Variants in HSF2 observed in about 807,000 individuals in gnomAD.
HSF2 encodes the protein heat shock transcription factor 2, also known as heat shock factor protein 2.
HSF2 carries 21 observed loss-of-function variants against 65.0 expected under a neutral mutation model. That is an observed-to-expected ratio of 0.32 (90% confidence interval 0.23 to 0.47). The LOEUF (loss-of-function observed/expected upper bound fraction) is 0.47. Ranked by LOEUF, HSF2 falls within the 20% of genes least tolerant of loss-of-function variation. HSF2 has a pLI of 1.00. For missense variants in HSF2, 499 were observed against 628.1 expected (o/e 0.79, Z 2.20); for synonymous variants, 225 against 219.1 (o/e 1.03, Z -0.24).
intron 11 of HSF2, among the ~76,000 whole-genome samples, 195 bp downstream of exon 11, chr6:122,428,151 C>T (rs1171214931): frequency 6.6e-6 from 1 of 151,986 alleles, no homozygotes; most frequent in African/African-American, 2.4e-5. Context: ...CCACTTTTGG[C>T]ACTTGTGGGA....
rs144007130 is a variant in HSF2 at position 122,413,558 on chromosome 6, C to T, written c.364C>T (p.Arg122Cys). The T allele has an allele frequency of 1.1e-5, 18 of 1,584,774 alleles. No homozygotes were observed. Among genetic ancestry groups the T allele is most frequent in the Non-Finnish European group, 1.3e-5 (15 of 1,155,468 alleles). The change falls in exon 4 of 13, where the codon CGT (arginine) becomes TGT (cysteine). Residue 122 changes from arginine (R) to cysteine (C), a missense_variant. By Grantham distance (180) the Arg-to-Cys change is radical (BLOSUM62 -3). This residue lies in a region of HSF2 where 150 missense variants were observed against 234.6 expected (regional missense o/e 0.64). Coordinates refer to ENST00000368455, the MANE Select transcript of HSF2 (RefSeq NM_004506.4). ...SSSKPEENKI[R>C]QEDLTKIISS... is the part of the protein sequence containing the mutation. The stretch of plus-strand genomic sequence containing the variant: ...TTCAAAACCAGAAGAAAATAAAATT[C>T]GTCAGGAAGATTTAACAAAAATTAT...
At position 122,399,759 on chromosome 6, in the gene HSF2, C is replaced by T; in HGVS notation, c.22C>T (p.Pro8Ser). Residue 8 changes from proline to serine, a missense_variant, in exon 1 of 13, where the codon CCG (proline) becomes TCG (serine). Physicochemically the swap from Pro to Ser is moderately conservative, Grantham distance 74. This residue lies in a region of HSF2 where 150 missense variants were observed against 234.6 expected (regional missense o/e 0.64). Coordinates refer to ENST00000368455, the MANE Select transcript of HSF2 (RefSeq NM_004506.4). Reference protein sequence around the residue: MKQSSNVPAFLSKLWTLV... With the variant: MKQSSNVSAFLSKLWTLV... ...AACAATGAAGCAGAGTTCGAACGTG[C>T]CGGCTTTCCTCAGCAAGCTGTGGAC... 1.2e-6 allele frequency: 2 copies of T among 1,612,492 alleles called. No homozygotes were observed. Among genetic ancestry groups the T allele is most frequent in the South Asian group, 1.1e-5 (1 of 90,842 alleles).
At chr6:122,413,950 TATG>T (rs1284675580) in intron 4 of HSF2, among the ~76,000 whole-genome samples, 2 of 152,132 alleles carry the variant, frequency 1.3e-5, no homozygotes, top group Non-Finnish European at 2.9e-5. Context: ...ATGTAGGAAA[TATG>T]ATTCTATTTA....
chr6:122,400,557 A>G (rs1282090044), intron 1 of HSF2, among the ~76,000 whole-genome samples: 1 of 152,166 alleles, frequency 6.6e-6, no homozygotes, highest in African/African-American at 2.4e-5. Context: ...GGGCATATCG[A>G]TGTGTTGATT....
chr6:122,419,020 C>T (rs141985895), intron 5 of HSF2, 148 bp from the exon 6 acceptor site: 93 of 544,378 alleles, frequency 1.7e-4, no homozygotes, highest in African/African-American at 9.1e-4. Flanking sequence ...GGTGGTTCTA[C>T]GGTGCGTCTG....
chr6:122,408,561 T>A (rs1773918083), intron 1 of HSF2, among the ~76,000 whole-genome samples: 1 of 152,138 alleles, frequency 6.6e-6, no homozygotes, highest in African/African-American at 2.4e-5. Context: ...AAAAATAGAT[T>A]TCTAGCTGTT....
At chr6:122,419,679 C>T (rs968767258) in intron 6 of HSF2, among the ~76,000 whole-genome samples, 4 of 152,020 alleles carry the variant, frequency 2.6e-5, no homozygotes, top group African/African-American at 9.7e-5. Flanking sequence ...CTACTATTGT[C>T]ACAGCTAAAA....
At chr6:122,431,632 C>A in intron 12 of HSF2, 118 bp downstream of exon 12, 1 of 555,748 alleles carries the variant, frequency 1.8e-6, no homozygotes, top group Non-Finnish European at 3.1e-6. Flanking sequence ...AATAGTGTGT[C>A]GAGGTTCTAG....
chr6:122,419,176 G>A lies in HSF2; in HGVS notation c.540G>A (p.Gln180=). The change falls in exon 6 of 13, where the codon CAG becomes CAA. Residue 180 remains glutamine, a synonymous_variant. Coordinates refer to ENST00000368455, the MANE Select transcript of HSF2 (RefSeq NM_004506.4). The part of the protein sequence containing the change: ...QQQQVIRKIV[Q]FIVTLVQNNQ... The stretch of plus-strand genomic sequence containing the variant: ...GTTTATATTTTTTTCAGATTGTCCA[G>A]TTTATTGTTACATTGGTTCAAAATA... The A allele has an allele frequency of 6.9e-7, 1 of 1,458,068 alleles. No individual in the cohort carries two copies. The highest frequency in any genetic ancestry group is 9.6e-7 in the Non-Finnish European group (1 of 1,045,874). 90.3% of individuals were successfully genotyped at this position (1,458,068 alleles called of 1,614,324 possible). A position where few individuals can be genotyped will look rare whatever the true frequency, so the allele number is the denominator to read the frequency against.
intron 11 of HSF2, among the ~76,000 whole-genome samples, chr6:122,428,598 T>C (rs1231338087): frequency 6.6e-6 from 1 of 152,038 alleles, no homozygotes; most frequent in Admixed American, 6.6e-5. Flanking sequence ...TTGTCATGAA[T>C]AGGTATACAC....
chr6:122,430,377 T>G (rs1360858172), intron 11 of HSF2, among the ~76,000 whole-genome samples: 1 of 152,160 alleles, frequency 6.6e-6, no homozygotes. Context: ...TTTTATTGTG[T>G]CTATTTGAAA....
chr6:122,427,816 C>T (rs1214789724), intron 10 of HSF2, 87 bp from the exon 11 acceptor site: 4 of 858,676 alleles, frequency 4.7e-6, no homozygotes, highest in South Asian at 1.7e-5. Context: ...TACATCTCTT[C>T]ACCCAACATG....
chr6:122,407,755 G>A (rs1045351920), intron 1 of HSF2, among the ~76,000 whole-genome samples: 12 of 151,876 alleles, frequency 7.9e-5, no homozygotes, highest in East Asian at 3.9e-4. Flanking sequence ...TCTATCTTAC[G>A]TCACAAGTAC....
At position 122,422,886 on chromosome 6, in the gene HSF2, C is replaced by G; in HGVS notation, c.999C>G (p.Ser333=). The change falls in exon 9 of 13, where the codon TCC becomes TCG. Residue 333 remains serine (S), a synonymous_variant. Coordinates refer to ENST00000368455, the MANE Select transcript of HSF2 (RefSeq NM_004506.4). The part of the protein sequence containing the change: ...MSSAVQLNGS[S]SLTSEDPVTM... Reference sequence around the variant, plus strand: ...GTGCTGTCCAGCTAAATGGCTCATCCAGTCTGACCTCAGAAGATCCAGTGA... The same window carrying G: ...GTGCTGTCCAGCTAAATGGCTCATCGAGTCTGACCTCAGAAGATCCAGTGA... The G allele has an allele frequency of 6.2e-7, 1 of 1,613,546 alleles. No homozygotes were observed. Among genetic ancestry groups the G allele is most frequent in the Non-Finnish European group, 8.5e-7 (1 of 1,179,680 alleles).
chr6:122,407,655 C>T lies in HSF2; in HGVS notation c.94-4718C>T, dbSNP rs146769320. On this transcript the variant is annotated intron_variant, in intron 1 of 12. Coordinates refer to ENST00000368455, the MANE Select transcript of HSF2 (RefSeq NM_004506.4). The stretch of plus-strand genomic sequence containing the variant: ...TACATATTCGAGTTTATGTTTTGGC[C>T]ATATCTTCCAGTTTGTGGCTTTTTA... Among the ~76,000 whole-genome samples, 62 of 151,902 alleles carry T rather than the reference C, an allele frequency of 4.1e-4. 1 individual carries two copies. Among genetic ancestry groups the T allele is most frequent in the African/African-American group, 1.3e-3 (54 of 41,424 alleles).
intron 1 of HSF2, among the ~76,000 whole-genome samples, chr6:122,402,006 A>G (rs1773744432): frequency 6.6e-6 from 1 of 152,208 alleles, no homozygotes; most frequent in African/African-American, 2.4e-5. Flanking sequence ...GCCCAGCACA[A>G]ATTCATAAAG....
At chr6:122,417,250 A>G (rs1774147105) in intron 5 of HSF2, among the ~76,000 whole-genome samples, 1 of 152,114 alleles carries the variant, frequency 6.6e-6, no homozygotes, top group Non-Finnish European at 1.5e-5. Flanking sequence ...TTTCATAGGC[A>G]ACTCTAATGT....
At chr6:122,402,564 T>TG (rs1213494155) in intron 1 of HSF2, among the ~76,000 whole-genome samples, 3 of 148,980 alleles carry the variant, frequency 2.0e-5, no homozygotes, top group African/African-American at 7.5e-5. Flanking sequence ...TCATATTCGT[T>TG]TTTTTTTTTT....
chr6:122,430,571 C>A (rs1774439688), intron 11 of HSF2, among the ~76,000 whole-genome samples: 1 of 151,926 alleles, frequency 6.6e-6, no homozygotes, highest in Non-Finnish European at 1.5e-5. Flanking sequence ...TTTATTATAT[C>A]TTGGAGCCCT....
Sources: allele counts gnomAD v4.1 joint callset (sites outside exome capture counted in the v4.1 genomes callset), GRCh38; gene constraint gnomAD v4.1.1; regional missense constraint gnomAD v4.1.1; transcripts MANE v1.5; gene names NCBI Gene and HGNC (gene_info 2026-07-23, HGNC 2026-07-21).